Variants in PCF11 observed in about 807,000 individuals in gnomAD.
PCF11 encodes PCF11 cleavage and polyadenylation factor subunit, also known as pre-mRNA cleavage complex 2 protein Pcf11.
In PCF11, 19 loss-of-function variants were observed where a neutral mutation model predicts 166.1. That is an observed-to-expected ratio of 0.11 (90% CI 0.08 to 0.17). PCF11 has a LOEUF of 0.17. PCF11 is among the 10% of genes least tolerant of loss of function. The pLI is 1.00. For missense variants in PCF11, 1,565 were observed against 1,855.5 expected, an observed-to-expected ratio of 0.84 and a Z score of 2.88; for synonymous variants, 663 against 644.1, an observed-to-expected ratio of 1.03 and a Z score of -0.44.
chr11:83,157,875 C>G, intron 1 of PCF11: 1 of 548,924 alleles, frequency 1.8e-6, no homozygotes, highest in Non-Finnish European at 3.3e-6. Flanking sequence ...TTTAGGCCAC[C>G]GCATTGTATA....
intron 8 of PCF11, among the ~76,000 whole-genome samples, chr11:83,170,250 T>C (rs1466484805): frequency 6.6e-6 from 1 of 152,194 alleles, no homozygotes; most frequent in Non-Finnish European, 1.5e-5. Context: ...AGCTCTGTTT[T>C]TTCTTTTTCC....
exon 8 of PCF11, chr11:83,168,492 A>G (rs779282501): frequency 6.2e-7 from 1 of 1,613,584 alleles, no homozygotes; most frequent in Admixed American, 1.7e-5. Context: ...CTCGATATGA[A>G]GATTCAGATA....
exon 10 of PCF11, chr11:83,177,198 A>G (rs560053689): frequency 1.9e-6 from 3 of 1,549,592 alleles, no homozygotes; most frequent in African/African-American, 1.4e-5. Flanking sequence ...TGATTCAGCT[A>G]CAACACGTAA....
At chr11:83,182,452 G>A in exon 14 of PCF11, 1 of 1,578,100 alleles carries the variant, frequency 6.3e-7, no homozygotes, top group Non-Finnish European at 8.7e-7. Context: ...AAGAAGAGGA[G>A]GAATGGCATT....
chr11:83,163,980 C>T, intron 3 of PCF11, 113 bp downstream of exon 3: 2 of 549,732 alleles, frequency 3.6e-6, no homozygotes, highest in Non-Finnish European at 6.0e-6. Context: ...TGAATTGGTT[C>T]AATTTGAAAA....
Position 83,169,384 on chromosome 11 carries a change from G to C in PCF11, c.3049G>C (p.Gly1017Arg), listed in dbSNP as rs778594988. The change falls in exon 8 of 16, where the codon GGC becomes CGC. Residue 1017 changes from glycine (G) to arginine (R), a missense_variant. Physicochemically the swap from Gly to Arg is moderately radical, Grantham distance 125 (BLOSUM62 -2). This residue lies in a region of PCF11 where 725 missense variants were observed against 749.3 expected (regional missense o/e 0.97). Transcript: ENST00000298281. ...TGAGGGTCCTTCTGTACCAGGAGGTGGCCTGAGAATTGAAGGGCCTCTGGG... is the reference window on the plus strand; with the variant it reads ...TGAGGGTCCTTCTGTACCAGGAGGTCGCCTGAGAATTGAAGGGCCTCTGGG... 6.2e-7 allele frequency: 1 copy of C among 1,613,816 alleles called. No homozygotes were observed. Among genetic ancestry groups the C allele is most frequent in the Admixed American group, 1.7e-5 (1 of 60,012 alleles).
chr11:83,161,204 T>G (rs1860239784), intron 1 of PCF11, 123 bp from the exon 2 acceptor site: 1 of 701,774 alleles, frequency 1.4e-6, no homozygotes, highest in East Asian at 3.1e-5. Context: ...TCATAAAGAT[T>G]ACTTCAAAAA....
At chr11:83,177,231 A>G in intron 10 of PCF11, 27 bp downstream of exon 10, 1 of 1,501,392 alleles carries the variant, frequency 6.7e-7, no homozygotes, top group Non-Finnish European at 8.9e-7. Flanking sequence ...ACTTAAATTT[A>G]CACAAAGCTT....
chr11:83,157,466 C>G (rs764735067), exon 1 of PCF11: 77 of 1,611,982 alleles, frequency 4.8e-5, no homozygotes, highest in Non-Finnish European at 6.1e-5. Flanking sequence ...CGGCCGAGGC[C>G]GGTGCTGCGG....
chr11:83,166,449 G>T (rs1184372535), exon 5 of PCF11: 1 of 1,613,984 alleles, frequency 6.2e-7, no homozygotes, highest in East Asian at 2.2e-5. Context: ...GACACCTAAA[G>T]CTGGAAAGAT....
At chr11:83,157,322 T>A in exon 1 of PCF11, 1 of 877,692 alleles carries the variant, frequency 1.1e-6, no homozygotes, top group Non-Finnish European at 1.7e-6. Flanking sequence ...GGTCAGCATG[T>A]GGTGAAGCCG....
chr11:83,169,568 C>T (rs772206353), exon 8 of PCF11: 3 of 1,613,904 alleles, frequency 1.9e-6, no homozygotes, highest in Non-Finnish European at 2.5e-6. Flanking sequence ...TTTGATGGAC[C>T]ACCTGGACAG....
chr11:83,177,887 G>T, intron 11 of PCF11, 68 bp downstream of exon 11: 1 of 565,274 alleles, frequency 1.8e-6, no homozygotes, highest in Non-Finnish European at 3.1e-6. Context: ...AGTGGACATT[G>T]TTACTATTAG....
chr11:83,187,359 A>G (rs17144761), exon 16 of PCF11: 11,308 of 152,260 alleles, frequency 0.074, 461 homozygotes, highest in Middle Eastern at 0.18. Context: ...GAAAATTTCA[A>G]TGGACGAGGT....
In PCF11 at chr11:83,183,363, C is replaced by T. The variant is rs146184500; in HGVS notation, c.4452+290C>T. 8.5e-4 allele frequency among the ~76,000 whole-genome samples: 130 copies of T among 152,226 alleles called. 3 individuals carry two copies. The highest frequency in any genetic ancestry group is 3.0e-3 in the African/African-American group (126 of 41,546). On this transcript the variant is annotated intron_variant, in intron 15 of 15. Coordinates refer to ENST00000298281, the Ensembl canonical transcript of PCF11. ...TGGTATCTTTTACTAGTCCACTAGGCCCAAAGAAATGTGAGGAAAAGTGAA... is the reference window on the plus strand; with the variant it reads ...TGGTATCTTTTACTAGTCCACTAGGTCCAAAGAAATGTGAGGAAAAGTGAA...
In PCF11 at chr11:83,171,428, G is replaced by A. The variant is rs1376102111; in HGVS notation, c.3661-390G>A. ...GTATAGATCATATTGCATTATGTCA[G>A]TTCTTCTATTTGTAAAATAAGGGAA... is the stretch of plus-strand genomic sequence containing the variant. On this transcript the variant is annotated intron_variant, in intron 8 of 15. Coordinates refer to ENST00000298281, the Ensembl canonical transcript of PCF11. 5 of 351,468 alleles carry A rather than the reference G, an allele frequency of 1.4e-5. No individual in the cohort carries two copies. The Admixed American group carries it at 2.2e-4, about 16-fold the overall frequency. The allele number at this position is 351,468 out of a possible 1,614,324, so 21.8% of individuals were successfully genotyped here.
At chr11:83,160,346 CTTTT>C (rs373734812) in intron 1 of PCF11, among the ~76,000 whole-genome samples, 1 of 78,698 alleles carries the variant, frequency 1.3e-5, no homozygotes, top group Non-Finnish European at 2.5e-5. Flanking sequence ...TTTTTTTTGT[CTTTT>C]TTTTTTATTT....
exon 8 of PCF11, chr11:83,169,016 C>T: frequency 1.9e-6 from 3 of 1,613,730 alleles, no homozygotes; most frequent in Non-Finnish European, 2.5e-6. Context: ...TTTGAGGGAC[C>T]TCATGGTCAG....
At chr11:83,177,719 A>G in exon 11 of PCF11, 1 of 1,508,936 alleles carries the variant, frequency 6.6e-7, no homozygotes, top group Non-Finnish European at 9.0e-7. Flanking sequence ...TGAAGAAGTA[A>G]GTGAAGTAAC....
Sources: gnomAD v4.1 joint callset for allele counts (sites outside exome capture counted in the v4.1 genomes callset) on GRCh38, gnomAD v4.1.1 for gene constraint, gnomAD v4.1.1 regional missense constraint, MANE v1.5 for transcripts, NCBI Gene and HGNC (gene_info 2026-07-23, HGNC 2026-07-21) for gene names.